ESPL1: variants seen among roughly 807,000 people sequenced by gnomAD.
The protein encoded by ESPL1 is separin.
In ESPL1, 50 loss-of-function variants were observed where a neutral mutation model predicts 217.2. The ratio of observed to expected loss-of-function variants is 0.23; its 90% CI spans 0.18 to 0.29. The LOEUF is 0.29. Among genes scored for constraint, ESPL1 ranks in the 10% least tolerant of loss-of-function variants. The pLI is 1.00. For missense variants in ESPL1, 1,834 were observed against 2,603.0 expected, an observed-to-expected ratio of 0.70 and a Z score of 6.43; for synonymous variants, 994 against 1,081.3, an observed-to-expected ratio of 0.92 and a Z score of 1.58.
Position 53,293,443 on chromosome 12 carries a change from T to C in ESPL1, c.6332T>C (p.Ile2111Thr), listed in dbSNP as rs1317736780. Residue 2111 changes from isoleucine (I) to threonine (T), a missense_variant, in exon 31 of 31, where the codon ATA becomes ACA. Physicochemically the swap from Ile to Thr is moderately conservative, Grantham distance 89. Transcript: ENST00000257934. The surrounding 1 kb of genome is among the most constrained non-coding windows in gnomAD (Gnocchi z 4.2). The stretch of plus-strand genomic sequence containing the variant: ...AAGTATCTTATTGGGGCTGCACCTA[T>C]AGCCTATGGCTTGCCTGTCTCTCTG... ...RLKYLIGAAP[I>T]AYGLPVSLR is the part of the protein sequence containing the mutation. 1 of 1,614,156 alleles carries C rather than the reference T, an allele frequency of 6.2e-7. No homozygotes were observed. The highest frequency in any genetic ancestry group is 1.7e-5 in the Admixed American group (1 of 60,024).
intron 18 of ESPL1, 115 bp from the exon 19 acceptor site, chr12:53,287,857 C>T: frequency 1.9e-6 from 2 of 1,053,720 alleles, no homozygotes; most frequent in Non-Finnish European, 2.7e-6. Flanking sequence ...GTTCTGAAAT[C>T]TTCCAGGGTC....
intron 7 of ESPL1, among the ~76,000 whole-genome samples, chr12:53,275,859 C>T (rs976437002): frequency 3.3e-5 from 5 of 151,932 alleles, no homozygotes; most frequent in African/African-American, 1.2e-4. Context: ...AGCCAGTGCG[C>T]CCAGCCTTCA....
At position 53,282,261 on chromosome 12, in the gene ESPL1, C is replaced by T. The variant is rs1392192029; in HGVS notation, c.2620-3C>T. 1 of 1,613,624 alleles carries T rather than the reference C, an allele frequency of 6.2e-7. No individual in the cohort carries two copies. The highest frequency in any genetic ancestry group is 1.3e-5 in the African/African-American group (1 of 74,934). On this transcript the variant is annotated splice_region_variant and splice_polypyrimidine_tract_variant and intron_variant, in intron 13 of 30. Coordinates refer to ENST00000257934, the MANE Select transcript of ESPL1 (RefSeq NM_012291.5). This position sits in a 1 kb window ranked among gnomAD's most constrained non-coding sequence, Gnocchi z 4.0. The stretch of plus-strand genomic sequence containing the variant: ...GCCTCCTCTGGCTCCTTCTCTCCTT[C>T]AGGTGACCAAGGGTGTCTCTCTGCT...
chr12:53,269,456 T>A lies in ESPL1; in HGVS notation c.514T>A (p.Leu172Met). 1.2e-6 allele frequency: 2 copies of A among 1,614,186 alleles called. No individual in the cohort carries two copies. Among genetic ancestry groups the A allele is most frequent in the Non-Finnish European group, 1.7e-6 (2 of 1,180,022 alleles). The change falls in exon 3 of 31, where the codon TTG (leucine) becomes ATG (methionine). Residue 172 changes from leucine to methionine, a missense_variant. Coordinates refer to ENST00000257934, the MANE Select transcript of ESPL1 (RefSeq NM_012291.5). The surrounding 1 kb of genome is among the most constrained non-coding windows in gnomAD (Gnocchi z 6.7). ...RAAFAARLKALSFLVLLEDES... is the reference protein window; with the variant it reads ...RAAFAARLKAMSFLVLLEDES... ...TGCATTTGCAGCTCGGCTGAAGGCC[T>A]TGAGCTTCCTAGTACTCTTGGAGGA... is the stretch of plus-strand genomic sequence containing the variant.
Position 53,274,966 on chromosome 12 carries a change from C to A in ESPL1, c.1656C>A (p.Val552=). Residue 552 remains valine (V), a synonymous_variant, in exon 7 of 31, where the codon GTC becomes GTA. Coordinates refer to ENST00000257934, the MANE Select transcript of ESPL1 (RefSeq NM_012291.5). ...MAEPVTFWVR[V]KMDAARAGDK... is the part of the protein sequence containing the mutation. ...AGCCAGTCACTTTCTGGGTTCGGGT[C>A]AAGATGGATGCGGCCAGGGCTGGAG... The A allele has an allele frequency of 6.3e-7, 1 of 1,582,690 alleles. No individual in the cohort carries two copies. Among genetic ancestry groups the A allele is most frequent in the South Asian group, 1.2e-5 (1 of 86,346 alleles).
chr12:53,284,519 G>T (rs1293367476), intron 17 of ESPL1, among the ~76,000 whole-genome samples: 5 of 151,514 alleles, frequency 3.3e-5, no homozygotes, highest in Admixed American at 6.6e-5. Flanking sequence ...GCCTCCTAAA[G>T]TGCTGGGATT....
rs986894754 is a variant in ESPL1 at position 53,293,097 on chromosome 12, G to C, written c.6161+127G>C. On this transcript the variant is annotated intron_variant, in intron 30 of 30. Coordinates refer to ENST00000257934, the MANE Select transcript of ESPL1 (RefSeq NM_012291.5). The surrounding 1 kb of genome is among the most constrained non-coding windows in gnomAD (Gnocchi z 4.2). The stretch of plus-strand genomic sequence containing the variant: ...TCCTCCTATCCTAGTTAGTTCCCTG[G>C]CATGCCTGGACCATTAACCCTTAGC... 2 of 1,030,106 alleles carry C rather than the reference G, an allele frequency of 1.9e-6. No homozygotes were observed. The highest frequency in any genetic ancestry group is 2.8e-6 in the Non-Finnish European group (2 of 703,670). 63.8% of individuals were successfully genotyped at this position (1,030,106 alleles called of 1,614,324 possible).
At position 53,289,078 on chromosome 12, in the gene ESPL1, A is replaced by G; in HGVS notation, c.4709-12A>G. The G allele has an allele frequency of 6.2e-7, 1 of 1,600,906 alleles. No individual in the cohort carries two copies. Among genetic ancestry groups the G allele is most frequent in the Non-Finnish European group, 8.6e-7 (1 of 1,168,004 alleles). ...GAATTCAGCTGTACCAAGTGTCCTG[A>G]CGTTCTTCTAGGTCTTTCTACCCTG... On this transcript the variant is annotated splice_polypyrimidine_tract_variant and intron_variant, in intron 20 of 30. Coordinates refer to ENST00000257934, the MANE Select transcript of ESPL1 (RefSeq NM_012291.5).
intron 5 of ESPL1, 121 bp downstream of exon 5, chr12:53,270,919 G>A (rs1943658416): frequency 1.8e-6 from 2 of 1,082,104 alleles, no homozygotes; most frequent in African/African-American, 1.6e-5. Flanking sequence ...CAAGGAGGCA[G>A]TGAGAGAAAT....
At chr12:53,272,261 G>T (rs530200489) in intron 5 of ESPL1, among the ~76,000 whole-genome samples, 2 of 152,134 alleles carry the variant, frequency 1.3e-5, no homozygotes, top group African/African-American at 2.4e-5. Context: ...ATATTAGAAC[G>T]TGATAAGAAA....
rs754631652 is a variant in ESPL1, at chr12:53,270,811, G to A, written c.1369+13G>A. ...ATGGGGATGACCGGTTAGTGCCCTGGGTCCCAGGCACAGAGTTTGTGGGAG... is the reference window on the plus strand; with the variant it reads ...ATGGGGATGACCGGTTAGTGCCCTGAGTCCCAGGCACAGAGTTTGTGGGAG... On this transcript the variant is annotated intron_variant, in intron 5 of 30. Transcript: ENST00000257934. 2 of 1,613,912 alleles carry A rather than the reference G, an allele frequency of 1.2e-6. No homozygotes were observed. Among genetic ancestry groups the A allele is most frequent in the Admixed American group, 1.7e-5 (1 of 59,996 alleles).
Position 53,290,090 on chromosome 12 carries a change from A to G in ESPL1, c.5119A>G (p.Thr1707Ala). 6.2e-7 allele frequency: 1 copy of G among 1,612,422 alleles called. No individual in the cohort carries two copies. The highest frequency in any genetic ancestry group is 2.2e-5 in the East Asian group (1 of 44,882). ...ERLALIPSGV[T>A]VCVLALATLQ... is the part of the protein sequence containing the mutation. ...GGCTGTATCCTGTGTGTCAGGGGTG[A>G]CTGTGTGTGTGTTGGCCCTGGCCAC... The change falls in exon 23 of 31, where the codon ACT becomes GCT. Residue 1707 changes from threonine to alanine, a missense_variant. By Grantham distance (58) the Thr-to-Ala change is moderately conservative. This residue lies in a region of ESPL1 where 681 missense variants were observed against 808.0 expected (regional missense o/e 0.84). Coordinates refer to ENST00000257934, the MANE Select transcript of ESPL1 (RefSeq NM_012291.5).
At chr12:53,288,503 G>A (rs1185122648) in intron 19 of ESPL1, 35 bp from the exon 20 acceptor site, 5 of 1,587,986 alleles carry the variant, frequency 3.1e-6, no homozygotes, top group Non-Finnish European at 4.3e-6. Context: ...GGCAGGGGGA[G>A]GGAGCACTGT....
chr12:53,276,911 T>C, intron 8 of ESPL1, 52 bp downstream of exon 8: 1 of 1,592,290 alleles, frequency 6.3e-7, no homozygotes, highest in Non-Finnish European at 8.6e-7. Context: ...CTAGGTCCTC[T>C]CACCCTCTTG....
chr12:53,279,755 C>G lies in ESPL1; in HGVS notation c.2388C>G (p.Leu796=). The G allele has an allele frequency of 6.2e-7, 1 of 1,614,120 alleles. No homozygotes were observed. Among genetic ancestry groups the G allele is most frequent in the Non-Finnish European group, 8.5e-7 (1 of 1,180,026 alleles). Residue 796 remains leucine (L), a synonymous_variant, in exon 12 of 31, where the codon CTC becomes CTG. Coordinates refer to ENST00000257934, the MANE Select transcript of ESPL1 (RefSeq NM_012291.5). ...VAKPMQALEV[L]LLLRIVSERL... is the part of the protein sequence containing the mutation. Reference sequence around the variant, plus strand: ...AGCCCATGCAGGCTCTGGAGGTCCTCCTGCTGCTACGGATTGTCTCTGAGA... The same window carrying G: ...AGCCCATGCAGGCTCTGGAGGTCCTGCTGCTGCTACGGATTGTCTCTGAGA...
chr12:53,269,297 C>A lies in ESPL1; in HGVS notation c.355C>A (p.Arg119Ser). Residue 119 changes from arginine to serine, a missense_variant, in exon 3 of 31, where the codon CGC becomes AGC. Around this residue, in one of 5 missense-constraint regions of ESPL1, gnomAD observed 746 missense variants for 1,077.0 expected, o/e 0.69. Transcript: ENST00000257934. The surrounding 1 kb of genome is among the most constrained non-coding windows in gnomAD (Gnocchi z 6.7). ...ACAAGGAAGCCCAGAGGCCACACTC[C>A]GCCTTGCTCAGCCCCTCCATGCCTG... is the stretch of plus-strand genomic sequence containing the variant. ...AAQGSPEATL[R>S]LAQPLHACLV... 1 of 1,614,200 alleles carries A rather than the reference C, an allele frequency of 6.2e-7. No individual in the cohort carries two copies. The highest frequency in any genetic ancestry group is 8.5e-7 in the Non-Finnish European group (1 of 1,180,044).
chr12:53,268,924 G>C lies in ESPL1; in HGVS notation c.81+77G>C, dbSNP rs778093522. 2.7e-4 allele frequency: 402 copies of C among 1,496,752 alleles called. 1 individual carries two copies. The highest frequency in any genetic ancestry group is 3.0e-4 in the Non-Finnish European group (323 of 1,082,872). The allele number at this position is 1,496,752 out of a possible 1,614,324, so 92.7% of individuals were successfully genotyped here. A position where few individuals can be genotyped will look rare whatever the true frequency, so the allele number is the denominator to read the frequency against. ...TTTGTGTTTGCCTTTTGAAGAGATG[G>C]ATAAGTAGGCGACCCTCTCTGAGTA... On this transcript the variant is annotated intron_variant, in intron 2 of 30. Transcript: ENST00000257934.
chr12:53,292,510 C>T lies in ESPL1; in HGVS notation c.5913-64C>T, dbSNP rs116265051. 5,179 of 1,449,970 alleles carry T rather than the reference C, an allele frequency of 3.6e-3. 173 individuals are homozygous for T. The African/African-American group carries it at 0.064, about 18-fold the overall frequency. The allele number at this position is 1,449,970 out of a possible 1,614,324, so 89.8% of individuals were successfully genotyped here. On this transcript the variant is annotated intron_variant, in intron 28 of 30. Coordinates refer to ENST00000257934, the MANE Select transcript of ESPL1 (RefSeq NM_012291.5). This position sits in a 1 kb window ranked among gnomAD's most constrained non-coding sequence, Gnocchi z 4.5. ...CACCTTCTATCTAATGATCCCTCTG[C>T]TGTCTTTGCCACCTGACCCCTGCCA...
At chr12:53,289,667 G>A (rs1382021751) in intron 22 of ESPL1, 73 bp downstream of exon 22, 9 of 1,304,698 alleles carry the variant, frequency 6.9e-6, no homozygotes, top group Middle Eastern at 2.2e-4. Context: ...GGGTGAAGGA[G>A]TTTTAGGCAT....
Sources: gnomAD v4.1 joint callset for allele counts (sites outside exome capture counted in the v4.1 genomes callset) on GRCh38, gnomAD v4.1.1 for gene constraint, gnomAD v4.1.1 regional missense constraint, Gnocchi (gnomAD v3.1) non-coding constraint, MANE v1.5 for transcripts, NCBI Gene and HGNC (gene_info 2026-07-23, HGNC 2026-07-21) for gene names.